Variants in FOXN3 observed in about 807,000 individuals in gnomAD.
FOXN3 encodes forkhead box protein N3.
FOXN3 carries 7 observed loss-of-function variants against 38.4 expected under a neutral mutation model. The observed-to-expected ratio is 0.18, with a 90% confidence interval of 0.10 to 0.34. The LOEUF is 0.34. Among genes scored for constraint, FOXN3 ranks in the 10% least tolerant of loss-of-function variants. The pLI, the probability that FOXN3 is intolerant of heterozygous loss-of-function variation, is 1.00. For missense variants in FOXN3, 456 were observed against 613.4 expected, an observed-to-expected ratio of 0.74 and a Z score of 2.71; for synonymous variants, 230 against 242.2, an observed-to-expected ratio of 0.95 and a Z score of 0.47.
At chr14:89,545,470 C>A (rs186049520) in intron 1 of FOXN3, among the ~76,000 whole-genome samples, 1 of 152,176 alleles carries the variant, frequency 6.6e-6, no homozygotes, top group Non-Finnish European at 1.5e-5. Context: ...TAGAGAAGCA[C>A]TTTCATGGTC....
intron 1 of FOXN3, among the ~76,000 whole-genome samples, chr14:89,466,967 C>T (rs180917147): frequency 1.7e-3 from 263 of 152,334 alleles, no homozygotes; most frequent in African/African-American, 6.1e-3. Flanking sequence ...AGTGTCTGCA[C>T]ATAAAGACGT....
At chr14:89,366,676 C>G (rs1555421975) in intron 2 of FOXN3, among the ~76,000 whole-genome samples, 1 of 152,118 alleles carries the variant, frequency 6.6e-6, no homozygotes, top group Non-Finnish European at 1.5e-5. Context: ...GTGGAGGGGG[C>G]AGCTGACAGC....
intron 1 of FOXN3, among the ~76,000 whole-genome samples, chr14:89,442,576 T>G (rs756649855): frequency 1.3e-5 from 2 of 152,198 alleles, no homozygotes; most frequent in Non-Finnish European, 2.9e-5. Flanking sequence ...CTTTGCCAAG[T>G]GAGAGACTGA....
chr14:89,166,180 A>G (rs1439568370), intron 5 of FOXN3, among the ~76,000 whole-genome samples: 1 of 152,228 alleles, frequency 6.6e-6, no homozygotes, highest in Non-Finnish European at 1.5e-5. Context: ...AACCAAAGCA[A>G]TGATGTTAAA....
intron 2 of FOXN3, among the ~76,000 whole-genome samples, chr14:89,362,500 T>A (rs1403130109): frequency 7.4e-3 from 2 of 272 alleles, no homozygotes; most frequent in Non-Finnish European, 0.015. Flanking sequence ...CACCACCATC[T>A]CCACCACCAC....
At chr14:89,237,795 A>G (rs899779072) in intron 4 of FOXN3, among the ~76,000 whole-genome samples, 1 of 152,250 alleles carries the variant, frequency 6.6e-6, no homozygotes, top group African/African-American at 2.4e-5. Context: ...ACTCTGCTGC[A>G]TAATTCTTTG....
In FOXN3 at chr14:89,335,099, A is replaced by T. The variant is rs909279174; in HGVS notation, c.680+15573T>A. On this transcript the variant is annotated intron_variant, in intron 3 of 5. Transcript: ENST00000557258. ...ATATCACACACACACACACACACACACACACACACACACACACACACACAA... is the reference window on the plus strand; with the variant it reads ...ATATCACACACACACACACACACACTCACACACACACACACACACACACAA... Among the ~76,000 whole-genome samples, 202 of 151,636 alleles carry T rather than the reference A, an allele frequency of 1.3e-3. 1 individual carries two copies. The highest frequency in any genetic ancestry group is 4.6e-3 in the African/African-American group (189 of 41,332).
Position 89,280,991 on chromosome 14 carries a change from G to T in FOXN3, c.704C>A (p.Pro235Gln). The change falls in exon 4 of 6, where the codon CCG (proline) becomes CAG (glutamine). Residue 235 changes from proline (P) to glutamine (Q), a missense_variant. Transcript: ENST00000557258. ...YQSTSGPPIW[P>Q]GSTFFKRNGA... ...ATTTCTCTTGAAGAAGGTACTGCCC[G>T]GCCAGATGGGTGGACCTGATGTGCT... The T allele has an allele frequency of 6.2e-7, 1 of 1,613,734 alleles. No homozygotes were observed. The highest frequency in any genetic ancestry group is 8.5e-7 in the Non-Finnish European group (1 of 1,179,914).
intron 3 of FOXN3, among the ~76,000 whole-genome samples, chr14:89,323,132 C>A (rs1887940289): frequency 1.3e-5 from 2 of 151,522 alleles, no homozygotes; most frequent in Admixed American, 6.6e-5. Flanking sequence ...ACTAAAAATA[C>A]AAAAAATTAG....
chr14:89,267,211 G>A (rs1886011215), intron 4 of FOXN3, among the ~76,000 whole-genome samples: 1 of 152,184 alleles, frequency 6.6e-6, no homozygotes, highest in Non-Finnish European at 1.5e-5. Flanking sequence ...GGTTCTCAGG[G>A]TAGACGGTAC....
chr14:89,380,163 C>T (rs1360783189), intron 2 of FOXN3, among the ~76,000 whole-genome samples: 4 of 152,150 alleles, frequency 2.6e-5, no homozygotes, highest in African/African-American at 7.2e-5. Context: ...CATAGGGGCA[C>T]GTACTGTTCT....
At chr14:89,266,089 A>G (rs907076718) in intron 4 of FOXN3, among the ~76,000 whole-genome samples, 3 of 152,214 alleles carry the variant, frequency 2.0e-5, no homozygotes, top group African/African-American at 7.2e-5. Flanking sequence ...GCTTTGGGAT[A>G]CAAGGTGCTA....
In FOXN3 at chr14:89,278,353, C is replaced by A. The variant is rs7149682; in HGVS notation, c.745+2597G>T. The stretch of plus-strand genomic sequence containing the variant: ...ATGATTCAATGATCTCCCACAACAC[C>A]TAGGAATTATGGGAGCTACAATTCA... On this transcript the variant is annotated intron_variant, in intron 4 of 5. Coordinates refer to ENST00000557258, the MANE Select transcript of FOXN3 (RefSeq NM_005197.4). 5.6e-3 allele frequency among the ~76,000 whole-genome samples: 856 copies of A among 152,038 alleles called. 9 individuals carry two copies. The highest frequency in any genetic ancestry group is 0.02 in the African/African-American group (811 of 41,436).
chr14:89,344,167 TGTACATG>T (rs997662884), intron 3 of FOXN3, among the ~76,000 whole-genome samples: 1 of 152,154 alleles, frequency 6.6e-6, no homozygotes, highest in Non-Finnish European at 1.5e-5. Flanking sequence ...TTTCTAACTT[TGTACATG>T]TTAAGCCACA....
At position 89,549,359 on chromosome 14, in the gene FOXN3, A is replaced by T. The variant is rs114105056; in HGVS notation, c.-15+69669T>A. ...AATCTGTTAAAAGCTAATTCAGGCAACAAAAACACCAACGCCTGTCCATGG... is the reference window on the plus strand; with the variant it reads ...AATCTGTTAAAAGCTAATTCAGGCATCAAAAACACCAACGCCTGTCCATGG... On this transcript the variant is annotated intron_variant, in intron 1 of 6. Coordinates refer to the FOXN3 transcript ENST00000345097. Among the ~76,000 whole-genome samples the T allele has an allele frequency of 7.6e-3, 1,157 of 152,198 alleles. 13 individuals carry two copies. The highest frequency in any genetic ancestry group is 0.026 in the African/African-American group (1,086 of 41,512).
chr14:89,582,754 G>T (rs1161676298), intron 1 of FOXN3, among the ~76,000 whole-genome samples: 1 of 151,974 alleles, frequency 6.6e-6, no homozygotes, highest in Admixed American at 6.6e-5. Context: ...GTTCCCTCTT[G>T]CTCCTTTTAA....
At chr14:89,472,669 C>T (rs1310358164) in intron 1 of FOXN3, among the ~76,000 whole-genome samples, 1 of 141,114 alleles carries the variant, frequency 7.1e-6, no homozygotes, top group African/African-American at 2.6e-5. Context: ...TGCAGTGAGC[C>T]GAGATCGCGC....
At chr14:89,306,364 TC>T (rs1887375333) in intron 3 of FOXN3, among the ~76,000 whole-genome samples, 1 of 149,914 alleles carries the variant, frequency 6.7e-6, no homozygotes, top group Admixed American at 6.7e-5. Flanking sequence ...ACTTTGGTTC[TC>T]TTTTTTTTTT....
intron 4 of FOXN3, among the ~76,000 whole-genome samples, chr14:89,182,451 C>T (rs528183131): frequency 1.3e-5 from 2 of 152,154 alleles, no homozygotes; most frequent in Non-Finnish European, 2.9e-5. Context: ...TATTACAGTC[C>T]AGGGTTCCAT....
Sources: allele counts gnomAD v4.1 joint callset (sites outside exome capture counted in the v4.1 genomes callset), GRCh38; gene constraint gnomAD v4.1.1; transcripts MANE v1.5; gene names NCBI Gene and HGNC (gene_info 2026-07-23, HGNC 2026-07-21).